The following MALRD1 variants were observed in gnomAD, a reference collection of about 807,000 sequenced individuals.
MALRD1 encodes the protein MAM and LDL receptor class A domain containing 1.
A neutral mutation model predicts 242.1 loss-of-function variants in MALRD1; 247 were observed. That is an observed-to-expected ratio of 1.02 (90% CI 0.92 to 1.13). The LOEUF (loss-of-function observed/expected upper bound fraction) is 1.13, where lower values mean the gene tolerates loss of function less well. MALRD1 is among the 50% of genes most tolerant of loss of function. The pLI is 0.00. For synonymous variants in MALRD1, 995 were observed against 866.6 expected (o/e 1.15, Z -2.60); for missense variants, 2,989 against 2,533.1 (o/e 1.18, Z -3.86).
At chr10:19,125,342 TTTC>T in intron 7 of MALRD1, among the ~76,000 whole-genome samples, 1 of 93,250 alleles carries the variant, frequency 1.1e-5, no homozygotes, top group Admixed American at 1.1e-4. Flanking sequence ...TCTTTCTTTC[TTTC>T]TTTCTTTCTT....
chr10:19,648,769 G>A (rs1001053762), intron 36 of MALRD1, among the ~76,000 whole-genome samples: 1 of 152,154 alleles, frequency 6.6e-6, no homozygotes, highest in Non-Finnish European at 1.5e-5. Flanking sequence ...AGTTTTGGGA[G>A]TAAATGTGAA....
intron 14 of MALRD1, among the ~76,000 whole-genome samples, chr10:19,186,719 C>G (rs1272027508): frequency 6.6e-6 from 1 of 151,968 alleles, no homozygotes; most frequent in Non-Finnish European, 1.5e-5. Flanking sequence ...ATTTTTTTGA[C>G]AAGATCGTTG....
Position 19,082,626 on chromosome 10 carries a change from A to T in MALRD1, c.341-5214A>T, listed in dbSNP as rs149108804. 8.7e-5 allele frequency among the ~76,000 whole-genome samples: 13 copies of T among 149,934 alleles called. No individual in the cohort carries two copies. The East Asian group carries it at 2.4e-3, about 28-fold the overall frequency. On this transcript the variant is annotated intron_variant, in intron 2 of 39. Transcript: ENST00000454679. ...TGCTTTTTTTCTCTCTGCATGGGAGATATCTTCTTGTTTCTTTGCATTTCT... is the reference window on the plus strand; with the variant it reads ...TGCTTTTTTTCTCTCTGCATGGGAGTTATCTTCTTGTTTCTTTGCATTTCT...
Position 19,209,266 on chromosome 10 carries a change from A to G in MALRD1, c.2579-2A>G. On this transcript the variant is annotated splice_acceptor_variant, in intron 17 of 39. Coordinates refer to ENST00000454679, the MANE Select transcript of MALRD1 (RefSeq NM_001142308.3). LOFTEE classifies it high-confidence loss of function. ...TTTGCTTTTATTTCATGTGAATTTCAGCACCTGAGCTGCAGTGTAACTTTG... is the reference window on the plus strand; with the variant it reads ...TTTGCTTTTATTTCATGTGAATTTCGGCACCTGAGCTGCAGTGTAACTTTG... The G allele has an allele frequency of 6.6e-7, 1 of 1,504,072 alleles. No homozygotes were observed. Among genetic ancestry groups the G allele is most frequent in the Non-Finnish European group, 8.9e-7 (1 of 1,129,110 alleles). 93.2% of individuals were successfully genotyped at this position (1,504,072 alleles called of 1,614,324 possible).
In MALRD1 at chr10:19,205,139, C is replaced by T. The variant is rs1415297167; in HGVS notation, c.2452C>T (p.Leu818Phe). 1.3e-6 allele frequency: 2 copies of T among 1,550,730 alleles called. No individual in the cohort carries two copies. Among genetic ancestry groups the T allele is most frequent in the Non-Finnish European group, 8.7e-7 (1 of 1,147,046 alleles). The change falls in exon 17 of 40, where the codon CTT becomes TTT. Residue 818 changes from leucine to phenylalanine, a missense_variant. By Grantham distance (22) the Leu-to-Phe change is conservative (BLOSUM62 0). Transcript: ENST00000454679. ...DIRFENCTLPLPAESCEGLDH... is the reference protein window; with the variant it reads ...DIRFENCTLPFPAESCEGLDH... ...CCGATTTGAAAATTGTACTCTCCCT[C>T]TTCCTGCTGAGAGCTGTGAAGGGCT...
intron 18 of MALRD1, among the ~76,000 whole-genome samples, chr10:19,218,145 A>T (rs1450454641): frequency 2.0e-5 from 3 of 152,142 alleles, no homozygotes; most frequent in South Asian, 2.1e-4. Flanking sequence ...AAGAGGCTTC[A>T]ATAATTATAT....
chr10:19,630,501 A>C (rs1839854990), intron 36 of MALRD1, among the ~76,000 whole-genome samples: 1 of 152,140 alleles, frequency 6.6e-6, no homozygotes, highest in Admixed American at 6.6e-5. Flanking sequence ...GTAGATAAAA[A>C]CCAAAAAGCA....
intron 36 of MALRD1, among the ~76,000 whole-genome samples, chr10:19,655,930 C>T (rs1216466388): frequency 6.6e-6 from 1 of 151,990 alleles, no homozygotes; most frequent in Non-Finnish European, 1.5e-5. Flanking sequence ...TCAGTTGGTA[C>T]CTGGCTCTGA....
chr10:19,638,123 A>AG (rs1840227016), intron 36 of MALRD1, among the ~76,000 whole-genome samples: 1 of 150,736 alleles, frequency 6.6e-6, no homozygotes, highest in Non-Finnish European at 1.5e-5. Flanking sequence ...AAAAAAAAAA[A>AG]AAAAATAGAA....
chr10:19,537,126 C>T (rs530389631), intron 32 of MALRD1, among the ~76,000 whole-genome samples: 24 of 152,124 alleles, frequency 1.6e-4, no homozygotes, highest in Non-Finnish European at 3.4e-4. Flanking sequence ...AGGAAGAGAT[C>T]AGGTCATTTA....
intron 28 of MALRD1, among the ~76,000 whole-genome samples, chr10:19,390,832 A>G (rs1220903081): frequency 6.6e-6 from 1 of 152,190 alleles, no homozygotes; most frequent in Admixed American, 6.5e-5. Context: ...ACTCTTCTAT[A>G]ATGATGCAGA....
At chr10:19,260,911 C>G (rs1357986780) in intron 19 of MALRD1, among the ~76,000 whole-genome samples, 4 of 152,066 alleles carry the variant, frequency 2.6e-5, no homozygotes, top group Non-Finnish European at 4.4e-5. Flanking sequence ...GCTACAATCT[C>G]CAGTTTACAG....
intron 1 of MALRD1, 71 bp downstream of exon 1, chr10:19,049,208 G>A (rs915795237): frequency 1.7e-6 from 2 of 1,187,170 alleles, no homozygotes; most frequent in African/African-American, 3.2e-5. Context: ...TGAGCAGTCT[G>A]GGAGATTTGG....
intron 36 of MALRD1, among the ~76,000 whole-genome samples, chr10:19,643,204 G>C (rs921413760): frequency 6.6e-6 from 1 of 152,058 alleles, no homozygotes; most frequent in African/African-American, 2.4e-5. Context: ...GGCGGAAGTG[G>C]GTGGATCACC....
chr10:19,461,247 C>A (rs535054129), intron 29 of MALRD1, among the ~76,000 whole-genome samples: 5 of 152,230 alleles, frequency 3.3e-5, no homozygotes, highest in Non-Finnish European at 7.4e-5. Context: ...AAATGACTCA[C>A]ACAAATTGTC....
Position 19,049,126 on chromosome 10 carries a change from A to G in MALRD1, c.188A>G (p.Asp63Gly), listed in dbSNP as rs1337045288. 8.1e-7 allele frequency: 1 copy of G among 1,233,742 alleles called. No individual in the cohort carries two copies. Among genetic ancestry groups the G allele is most frequent in the East Asian group, 3.2e-5 (1 of 31,708 alleles). The allele number at this position is 1,233,742 out of a possible 1,614,324, so 76.4% of individuals were successfully genotyped here. Residue 63 changes from aspartate (D) to glycine (G), a missense_variant, in exon 1 of 40, where the codon GAT becomes GGT. Physicochemically the swap from Asp to Gly is moderately conservative, Grantham distance 94 (BLOSUM62 -1). Transcript: ENST00000454679. ...DFTDQCGDSS[D>G]ERHCLNYERC... ...ACAGATCAGTGTGGGGATAGCAGTGATGAACGGCACTGTAAGTGACATTCT... is the reference window on the plus strand; with the variant it reads ...ACAGATCAGTGTGGGGATAGCAGTGGTGAACGGCACTGTAAGTGACATTCT...
At chr10:19,288,015 G>A (rs544582223) in intron 21 of MALRD1, among the ~76,000 whole-genome samples, 1 of 151,958 alleles carries the variant, frequency 6.6e-6, no homozygotes, top group East Asian at 1.9e-4. Flanking sequence ...AACATGACAT[G>A]CAAAGTAATT....
chr10:19,224,436 G>A (rs1421515456), intron 18 of MALRD1, among the ~76,000 whole-genome samples: 1 of 152,036 alleles, frequency 6.6e-6, no homozygotes, highest in African/African-American at 2.4e-5. Flanking sequence ...ACAGGTATAT[G>A]CCACCACGCC....
chr10:19,103,881 C>G (rs1037890688), intron 4 of MALRD1, 98 bp from the exon 5 acceptor site: 8 of 628,790 alleles, frequency 1.3e-5, no homozygotes, highest in African/African-American at 9.5e-5. Flanking sequence ...TAGAGAGTGA[C>G]ATGCTTCCTA....
Sources: gnomAD v4.1 joint callset for allele counts (sites outside exome capture counted in the v4.1 genomes callset) on GRCh38, gnomAD v4.1.1 for gene constraint, MANE v1.5 for transcripts, NCBI Gene and HGNC (gene_info 2026-07-23, HGNC 2026-07-21) for gene names.